The following NRK variants were observed in gnomAD, a reference collection of about 807,000 sequenced individuals.
NRK encodes the protein Nik related kinase, also known as nik-related protein kinase.
A neutral mutation model predicts 125.2 loss-of-function variants in NRK; 67 were observed. The ratio of observed to expected loss-of-function variants is 0.54; its 90% CI spans 0.44 to 0.66. The LOEUF is 0.66. Among genes scored for constraint, NRK ranks in the 30% least tolerant of loss-of-function variants. NRK has a pLI of 0.00. For synonymous variants in NRK, 458 were observed against 429.0 expected (o/e 1.07, Z -0.84); for missense variants, 1,224 against 1,192.9 (o/e 1.03, Z -0.38).
Position 105,953,059 on chromosome X carries a change from A to G in NRK, c.4539A>G (p.Thr1513=). 8.4e-7 allele frequency: 1 copy of G among 1,189,840 alleles called. No individual in the cohort carries two copies. Among genetic ancestry groups the G allele is most frequent in the Non-Finnish European group, 1.1e-6 (1 of 880,503 alleles). Residue 1513 remains threonine (T), a synonymous_variant, in exon 28 of 29, where the codon ACA becomes ACG. Coordinates refer to ENST00000243300, the MANE Select transcript of NRK (RefSeq NM_198465.4). ...SIAFECTQRT[T]GWGQKAIEVR... is the part of the protein sequence containing the mutation. ...CTTTTGAATGTACACAGCGAACCAC[A>G]GGATGGGGCCAAAAGGCCATTGAAG...
chrX:105,949,821 A>C, intron 27 of NRK, 87 bp downstream of exon 27: 1 of 614,945 alleles, frequency 1.6e-6, no homozygotes, highest in Non-Finnish European at 2.5e-6. Context: ...TTCCTGAATT[A>C]TTACATTTTC....
rs370973601 is a variant in NRK, at chrX:105,909,270, C to T, written c.1629C>T (p.Asn543=). The change falls in exon 13 of 29, where the codon AAC becomes AAT. Residue 543 remains asparagine, a synonymous_variant. Transcript: ENST00000243300. Reference sequence around the variant, plus strand: ...CCCCTGAACAACAGCAGAGGCACAACCAGGTGCCTGAACAAGAGCTGGAGC... The same window carrying T: ...CCCCTGAACAACAGCAGAGGCACAATCAGGTGCCTGAACAAGAGCTGGAGC... ...GQAPEQQQRH[N]QVPEQELEQN... is the part of the protein sequence containing the mutation. The T allele has an allele frequency of 2.4e-4, 289 of 1,205,864 alleles. No individual in the cohort carries two copies. In the African/African-American group the frequency reaches 4.5e-3, roughly 19 times the overall value.
At chrX:105,916,346 G>A (rs559279904) in intron 15 of NRK, among the ~76,000 whole-genome samples, 4 of 110,471 alleles carry the variant, frequency 3.6e-5, no homozygotes, top group South Asian at 7.5e-4. Flanking sequence ...CAAAGATCAC[G>A]TTCCATATGT....
chrX:105,907,539 C>T (rs1207259626), intron 11 of NRK: 1 of 111,760 alleles, frequency 8.9e-6, no homozygotes, highest in Non-Finnish European at 1.9e-5. Flanking sequence ...ATTCAGCCAA[C>T]TTTACAGAGG....
chrX:105,912,639 G>T lies in NRK; in HGVS notation c.2242-9G>T. ...AATTAAAACAATTACTTTCCTTTTT[G>T]TTTCAAAGGACAAAGAAGATGAATC... On this transcript the variant is annotated splice_polypyrimidine_tract_variant and intron_variant, in intron 13 of 28. Coordinates refer to ENST00000243300, the MANE Select transcript of NRK (RefSeq NM_198465.4). 1 of 980,750 alleles carries T rather than the reference G, an allele frequency of 1.0e-6. No individual in the cohort carries two copies. Among genetic ancestry groups the T allele is most frequent in the Admixed American group, 3.7e-5 (1 of 26,946 alleles). The allele number at this position is 980,750 out of a possible 1,213,427, so 80.8% of individuals were successfully genotyped here. A position where few individuals can be genotyped will look rare whatever the true frequency, so the allele number is the denominator to read the frequency against.
In NRK at chrX:105,909,878, A is replaced by G; in HGVS notation, c.2237A>G (p.Asp746Gly). The G allele has an allele frequency of 8.9e-7, 1 of 1,121,678 alleles. No homozygotes were observed. The highest frequency in any genetic ancestry group is 2.1e-5 in the South Asian group (1 of 47,088). 92.4% of individuals were successfully genotyped at this position (1,121,678 alleles called of 1,213,427 possible). ...CATGAGGAAGAATTGAGACAAGTTG[A>G]TAAAGTAAGAATTTTTGATATTTTT... ...NQHEEELRQV[D>G]KDKEDESSDN... Residue 746 changes from aspartate (D) to glycine (G), a missense_variant, in exon 13 of 29, where the codon GAT (aspartate) becomes GGT (glycine). Coordinates refer to ENST00000243300, the MANE Select transcript of NRK (RefSeq NM_198465.4).
At chrX:105,917,071 T>A (rs897238812) in intron 15 of NRK, among the ~76,000 whole-genome samples, 8 of 111,121 alleles carry the variant, frequency 7.2e-5, no homozygotes, top group African/African-American at 2.6e-4. Context: ...TTCTTTAAAT[T>A]TGAATAGTAA....
At position 105,957,711 on chromosome X, in the gene NRK, TAAAG is replaced by T. The variant is rs1448236959; in HGVS notation, c.*2116_*2119del. ...CGAGCTTTAAAGGATAAAGTGTTAA[TAAAG>T]AAAGGAAGCTGGGCACATGTCAAAA... On this transcript the variant is annotated 3_prime_UTR_variant, in exon 29 of 29. Transcript: ENST00000243300. The T allele has an allele frequency of 9.0e-6, 1 of 111,432 alleles. No homozygotes were observed. The highest frequency in any genetic ancestry group is 1.9e-5 in the Non-Finnish European group (1 of 53,106). The allele number at this position is 111,432 out of a possible 1,213,427, so 9.2% of individuals were successfully genotyped here. A position where few individuals can be genotyped will look rare whatever the true frequency, so the allele number is the denominator to read the frequency against.
chrX:105,946,143 A>G, intron 25 of NRK, 128 bp downstream of exon 25: 1 of 799,789 alleles, frequency 1.3e-6, no homozygotes, highest in Admixed American at 3.7e-5. Context: ...CTTTGTTGTA[A>G]TAACAGGTCT....
At chrX:105,849,961 C>T (rs945532462) in intron 2 of NRK, among the ~76,000 whole-genome samples, 28 of 112,208 alleles carry the variant, frequency 2.5e-4, no homozygotes, top group African/African-American at 8.8e-4. Context: ...CTTCTCATAG[C>T]TCCACTAGGT....
Position 105,831,005 on chromosome X carries a change from C to T in NRK, c.58-49C>T, listed in dbSNP as rs2039184295. On this transcript the variant is annotated intron_variant, in intron 1 of 28. Coordinates refer to ENST00000243300, the MANE Select transcript of NRK (RefSeq NM_198465.4). ...ATTAAAAAAAAGATAGTTGAATGCT[C>T]ACCTAATTTCCTAAGAAGATTAACA... is the stretch of plus-strand genomic sequence containing the variant. 9 of 745,672 alleles carry T rather than the reference C, an allele frequency of 1.2e-5. No homozygotes were observed. In the East Asian group the frequency reaches 2.9e-4, roughly 24 times the overall value. 61.5% of individuals were successfully genotyped at this position (745,672 alleles called of 1,213,427 possible). A position where few individuals can be genotyped will look rare whatever the true frequency, so the allele number is the denominator to read the frequency against.
intron 19 of NRK, 70 bp from the exon 20 acceptor site, chrX:105,934,188 C>G: frequency 1.6e-6 from 1 of 628,969 alleles, no homozygotes; most frequent in Non-Finnish European, 2.4e-6. Flanking sequence ...CAAACGACCC[C>G]TCACTAGGCA....
intron 4 of NRK, among the ~76,000 whole-genome samples, chrX:105,882,554 T>C (rs748587541): frequency 9.0e-6 from 1 of 111,698 alleles, no homozygotes; most frequent in South Asian, 3.8e-4. Context: ...ATATATTTTT[T>C]CCTACTTTTC....
Position 105,909,699 on chromosome X carries a change from A to G in NRK, c.2058A>G (p.Ser686=). ...CAGAACAGGCACGGGAGAAAAAATC[A>G]AAAGTTTCTACTCTGAGGCAAGCAC... The part of the protein sequence containing the change: ...SQPEQAREKK[S]KVSTLRQALA... Residue 686 remains serine, a synonymous_variant, in exon 13 of 29, where the codon TCA becomes TCG. Transcript: ENST00000243300. 1 of 1,185,893 alleles carries G rather than the reference A, an allele frequency of 8.4e-7. No individual in the cohort carries two copies. The highest frequency in any genetic ancestry group is 1.1e-6 in the Non-Finnish European group (1 of 881,789).
intron 2 of NRK, among the ~76,000 whole-genome samples, chrX:105,845,023 C>T (rs1356789675): frequency 1.8e-5 from 2 of 111,128 alleles, no homozygotes; most frequent in African/African-American, 6.5e-5. Context: ...AACTACAATT[C>T]GTGAATTGTA....
intron 19 of NRK, among the ~76,000 whole-genome samples, chrX:105,927,285 T>C (rs2040537006): frequency 1.8e-5 from 2 of 111,667 alleles, no homozygotes; most frequent in Admixed American, 1.9e-4. Flanking sequence ...AGCTAGGTTA[T>C]TGTTGGTATG....
intron 11 of NRK, among the ~76,000 whole-genome samples, chrX:105,906,811 A>G (rs1203391383): frequency 1.1e-5 from 1 of 88,533 alleles, no homozygotes; most frequent in Non-Finnish European, 2.3e-5. Context: ...GTGTGTGTAT[A>G]GTTACTAATT....
In NRK at chrX:105,872,272, A is replaced by G. The variant is rs150175510; in HGVS notation, c.124-7927A>G. ...TGAGTACAGCCTGTGGCCTAGCAGT[A>G]TATACAAGGCTTTATGGGAGTTAAT... is the stretch of plus-strand genomic sequence containing the variant. On this transcript the variant is annotated intron_variant, in intron 2 of 28. Transcript: ENST00000243300. Among the ~76,000 whole-genome samples the G allele has an allele frequency of 5.4e-5, 6 of 111,616 alleles. No homozygotes were observed. In the East Asian group the frequency reaches 1.1e-3, roughly 21 times the overall value.
intron 19 of NRK, among the ~76,000 whole-genome samples, chrX:105,930,921 C>G (rs889600954): frequency 3.6e-5 from 4 of 111,839 alleles, no homozygotes; most frequent in Admixed American, 1.9e-4. Flanking sequence ...GCTTGCCAGG[C>G]TGTTTCTCAG....
Sources: allele counts gnomAD v4.1 joint callset (sites outside exome capture counted in the v4.1 genomes callset), GRCh38; gene constraint gnomAD v4.1.1; transcripts MANE v1.5; gene names NCBI Gene and HGNC (gene_info 2026-07-23, HGNC 2026-07-21).